The following CATSPERE variants were observed in gnomAD, a reference collection of about 807,000 sequenced individuals.
CATSPERE encodes cation channel sperm-associated auxiliary subunit epsilon.
In CATSPERE, 93 loss-of-function variants were observed where a neutral mutation model predicts 114.1. That is an observed-to-expected ratio of 0.81 (90% confidence interval 0.69 to 0.97). The LOEUF (loss-of-function observed/expected upper bound fraction) is 0.97, where lower values mean the gene tolerates loss of function less well. Ranked by LOEUF, CATSPERE falls within the 50% of genes least tolerant of loss-of-function variation. The pLI is 0.00. For synonymous variants in CATSPERE, 341 were observed against 384.1 expected, an observed-to-expected ratio of 0.89 and a Z score of 1.31; for missense variants, 1,058 against 1,131.6, an observed-to-expected ratio of 0.93 and a Z score of 0.93.
At chr1:244,547,225 T>G (rs527597040) in intron 8 of CATSPERE, among the ~76,000 whole-genome samples, 1 of 144,684 alleles carries the variant, frequency 6.9e-6, no homozygotes, top group African/African-American at 2.5e-5. Flanking sequence ...CCAAGAATAC[T>G]GTGCTCGGCA....
Position 244,625,554 on chromosome 1 carries a change from G to A in CATSPERE, c.2648+7868G>A, listed in dbSNP as rs538938097. 7.2e-3 allele frequency among the ~76,000 whole-genome samples: 1,059 copies of A among 146,872 alleles called. 4 individuals carry two copies. Among genetic ancestry groups the A allele is most frequent in the Middle Eastern group, 0.036 (10 of 280 alleles). On this transcript the variant is annotated intron_variant, in intron 20 of 21. Coordinates refer to ENST00000366534, the MANE Select transcript of CATSPERE (RefSeq NM_001130957.2). Reference sequence around the variant, plus strand: ...AGCAATTCTCCTGCCTCAGCCTCCCGAGTAGCTGGAACTACAGGCATGTGC... The same window carrying A: ...AGCAATTCTCCTGCCTCAGCCTCCCAAGTAGCTGGAACTACAGGCATGTGC...
intron 20 of CATSPERE, among the ~76,000 whole-genome samples, chr1:244,621,134 TATAAAATATATATATTATAAA>T (rs1446549792): frequency 3.8e-3 from 219 of 57,362 alleles, no homozygotes; most frequent in East Asian, 7.1e-3. Context: ...TATAAATATA[TATAAAATATATATATTATAAA>T]ATATATATAT....
intron 18 of CATSPERE, among the ~76,000 whole-genome samples, chr1:244,608,593 C>T (rs900295476): frequency 3.9e-5 from 6 of 152,032 alleles, no homozygotes; most frequent in Admixed American, 3.3e-4. Context: ...GACCTCAACC[C>T]CCAATCCTTT....
intron 12 of CATSPERE, among the ~76,000 whole-genome samples, chr1:244,582,670 G>A (rs1034536044): frequency 6.6e-6 from 1 of 152,038 alleles, no homozygotes; most frequent in Non-Finnish European, 1.5e-5. Flanking sequence ...CCAGAGTGCT[G>A]GGATTACAGG....
chr1:244,567,470 C>G (rs1376845231), intron 10 of CATSPERE, among the ~76,000 whole-genome samples: 1 of 152,152 alleles, frequency 6.6e-6, no homozygotes, highest in Middle Eastern at 3.2e-3. Flanking sequence ...CTCCCCATCA[C>G]TTTCAGGTAC....
At chr1:244,618,487 A>G in intron 20 of CATSPERE, among the ~76,000 whole-genome samples, 1 of 152,236 alleles carries the variant, frequency 6.6e-6, no homozygotes, top group Non-Finnish European at 1.5e-5. Context: ...AGAATGGTGC[A>G]GAAGAAAAAT....
intron 18 of CATSPERE, among the ~76,000 whole-genome samples, chr1:244,608,535 C>CAAA (rs150288682): frequency 2.7e-5 from 3 of 111,892 alleles, no homozygotes; most frequent in Non-Finnish European, 5.8e-5. Flanking sequence ...GATCCTGTCT[C>CAAA]AAAAAAAAAA....
intron 1 of CATSPERE, among the ~76,000 whole-genome samples, chr1:244,462,003 G>T (rs1477342407): frequency 1.3e-5 from 2 of 152,142 alleles, no homozygotes; most frequent in Non-Finnish European, 2.9e-5. Flanking sequence ...AATTGGTAGA[G>T]ACAGGGTCTC....
chr1:244,515,625 C>T (rs1676489000), intron 7 of CATSPERE, among the ~76,000 whole-genome samples: 2 of 152,102 alleles, frequency 1.3e-5, no homozygotes, highest in Non-Finnish European at 2.9e-5. Context: ...AGGCCAGACC[C>T]TGGGAACCAT....
At chr1:244,634,241 G>A (rs1674343136) in intron 20 of CATSPERE, among the ~76,000 whole-genome samples, 1 of 152,128 alleles carries the variant, frequency 6.6e-6, no homozygotes, top group Admixed American at 6.6e-5. Flanking sequence ...TGATATAATG[G>A]TAGAGTCTAC....
At chr1:244,567,302 G>A (rs1663732627) in intron 10 of CATSPERE, among the ~76,000 whole-genome samples, 1 of 152,082 alleles carries the variant, frequency 6.6e-6, no homozygotes, top group South Asian at 2.1e-4. Context: ...TTCAACCTTG[G>A]TGAATCTGAT....
intron 10 of CATSPERE, among the ~76,000 whole-genome samples, chr1:244,564,825 C>T (rs1663173365): frequency 6.6e-6 from 1 of 152,094 alleles, no homozygotes; most frequent in Admixed American, 6.5e-5. Context: ...TGTCTTGTGC[C>T]AGTTTTCAGA....
At chr1:244,588,699 C>T (rs918538239) in intron 14 of CATSPERE, among the ~76,000 whole-genome samples, 165 bp downstream of exon 14, 2 of 152,132 alleles carry the variant, frequency 1.3e-5, no homozygotes, top group Admixed American at 6.6e-5. Flanking sequence ...AAACTTTTGC[C>T]AAGTTAAATA....
chr1:244,557,859 T>C (rs971941858), intron 9 of CATSPERE, among the ~76,000 whole-genome samples: 9 of 151,822 alleles, frequency 5.9e-5, no homozygotes, highest in Non-Finnish European at 1.2e-4. Flanking sequence ...ACCTGCTCGT[T>C]ATTTTTTCAC....
rs1314018338 is a variant in CATSPERE at position 244,573,210 on chromosome 1, G to A, written c.1950+438G>A. On this transcript the variant is annotated intron_variant, in intron 11 of 21. Coordinates refer to ENST00000366534, the MANE Select transcript of CATSPERE (RefSeq NM_001130957.2). This position sits in a 1 kb window ranked among gnomAD's most constrained non-coding sequence, Gnocchi z 4.0. ...GCAGATCACGAGGTCAGGAGATCGA[G>A]ACCATCCTGGCTAACACAGTGAAAC... 5.3e-5 allele frequency among the ~76,000 whole-genome samples: 8 copies of A among 152,002 alleles called. No individual in the cohort carries two copies. Among genetic ancestry groups the A allele is most frequent in the Admixed American group, 5.2e-4 (8 of 15,254 alleles).
intron 10 of CATSPERE, among the ~76,000 whole-genome samples, chr1:244,562,263 A>T (rs1662688305): frequency 1.3e-5 from 2 of 152,086 alleles, no homozygotes; most frequent in Admixed American, 1.3e-4. Context: ...TAGATATAAA[A>T]CGAATGCCAT....
chr1:244,570,838 G>A (rs1664323000), intron 10 of CATSPERE, among the ~76,000 whole-genome samples: 1 of 152,174 alleles, frequency 6.6e-6, no homozygotes, highest in Admixed American at 6.5e-5. Context: ...CTGGGGGATT[G>A]AGGTAGCATT....
rs1384345652 is a variant in CATSPERE at position 244,633,459 on chromosome 1, C to T, written c.2649-2030C>T. Among the ~76,000 whole-genome samples the T allele has an allele frequency of 6.6e-6, 1 of 152,148 alleles. No homozygotes were observed. Among genetic ancestry groups the T allele is most frequent in the Non-Finnish European group, 1.5e-5 (1 of 68,022 alleles). On this transcript the variant is annotated intron_variant, in intron 20 of 21. Transcript: ENST00000366534. This position sits in a 1 kb window ranked among gnomAD's most constrained non-coding sequence, Gnocchi z 4.1. ...TTGTTTACTACTATGTATAATTTTT[C>T]CATATGGCCCACTTACATCTAATCT...
At chr1:244,461,527 G>A (rs1666777381) in intron 1 of CATSPERE, 33 bp downstream of exon 1, 1 of 1,275,702 alleles carries the variant, frequency 7.8e-7, no homozygotes, top group Non-Finnish European at 1.0e-6. Context: ...CGAGCGACTA[G>A]GCGGGGATTA....
Sources: gnomAD v4.1 joint callset for allele counts (sites outside exome capture counted in the v4.1 genomes callset) on GRCh38, gnomAD v4.1.1 for gene constraint, Gnocchi (gnomAD v3.1) non-coding constraint, MANE v1.5 for transcripts, NCBI Gene and HGNC (gene_info 2026-07-23, HGNC 2026-07-21) for gene names.